RFFL: variants seen among roughly 807,000 people sequenced by gnomAD.
RFFL encodes E3 ubiquitin-protein ligase rififylin.
RFFL carries 16 observed loss-of-function variants against 40.4 expected under a neutral mutation model. The observed-to-expected ratio is 0.40, with a 90% CI of 0.27 to 0.60. The LOEUF (loss-of-function observed/expected upper bound fraction) is 0.60, where lower values mean the gene tolerates loss of function less well. RFFL is among the 20% of genes least tolerant of loss of function. The pLI, the probability that RFFL is intolerant of heterozygous loss-of-function variation, is 0.47. For missense variants in RFFL, 367 were observed against 451.7 expected (o/e 0.81, Z 1.70); for synonymous variants, 154 against 167.9 (o/e 0.92, Z 0.64).
At position 35,010,477 on chromosome 17, in the gene RFFL, G is replaced by T. The variant is rs1348519909; in HGVS notation, c.*1491C>A. 6.6e-6 allele frequency: 1 copy of T among 152,270 alleles called. No homozygotes were observed. The highest frequency in any genetic ancestry group is 1.5e-5 in the Non-Finnish European group (1 of 68,146). 9.4% of individuals were successfully genotyped at this position (152,270 alleles called of 1,614,324 possible). ...GCCTAGAAAATGGTTTCTCCTGCTG[G>T]GTGTGGTGGCTCACGCCTGTAATCC... On this transcript the variant is annotated 3_prime_UTR_variant, in exon 7 of 7. Coordinates refer to ENST00000394597, the MANE Select transcript of RFFL (RefSeq NM_001017368.2).
intron 1 of RFFL, among the ~76,000 whole-genome samples, chr17:35,086,078 G>C (rs920523209): frequency 6.6e-6 from 1 of 152,164 alleles, no homozygotes; most frequent in Non-Finnish European, 1.5e-5. Context: ...ATCCTACTAA[G>C]AGCCAAATTA....
At chr17:35,041,904 A>G (rs1043470854) in intron 1 of RFFL, among the ~76,000 whole-genome samples, 4 of 152,072 alleles carry the variant, frequency 2.6e-5, no homozygotes, top group Admixed American at 2.6e-4. Flanking sequence ...AGTCCCAGCT[A>G]CTCAGGAGGC....
At chr17:35,031,116 C>T (rs1759390691) in intron 1 of RFFL, among the ~76,000 whole-genome samples, 1 of 151,906 alleles carries the variant, frequency 6.6e-6, no homozygotes, top group Non-Finnish European at 1.5e-5. Context: ...AATTCACTAA[C>T]TTTTTTTTGG....
chr17:35,045,484 T>G (rs942212697), intron 1 of RFFL, among the ~76,000 whole-genome samples: 3 of 152,032 alleles, frequency 2.0e-5, no homozygotes, highest in African/African-American at 7.2e-5. Context: ...TTTGCCCGCC[T>G]CAGCCTCCCA....
intron 1 of RFFL, among the ~76,000 whole-genome samples, chr17:35,034,172 AATAATG>A (rs768283611): frequency 1.3e-5 from 2 of 151,362 alleles, no homozygotes; most frequent in Non-Finnish European, 2.9e-5. Context: ...TAATAATAAT[AATAATG>A]ATAATAATTA....
chr17:35,025,911 T>C (rs1449746099), intron 2 of RFFL, among the ~76,000 whole-genome samples: 2 of 152,344 alleles, frequency 1.3e-5, no homozygotes, highest in East Asian at 3.9e-4. Flanking sequence ...ATCCTTAACG[T>C]TGCTTTTGAT....
chr17:35,062,150 A>C (rs1416506276), intron 1 of RFFL, among the ~76,000 whole-genome samples: 2 of 151,422 alleles, frequency 1.3e-5, no homozygotes, highest in African/African-American at 2.4e-5. Context: ...CACACCTGTA[A>C]ACCCAGCACT....
At chr17:35,041,426 T>C (rs1308899474) in intron 1 of RFFL, among the ~76,000 whole-genome samples, 1 of 151,884 alleles carries the variant, frequency 6.6e-6, no homozygotes, top group East Asian at 1.9e-4. Flanking sequence ...TAAAAACTCT[T>C]CAAAAAAAAG....
chr17:35,037,649 A>T (rs1436064877), intron 1 of RFFL, among the ~76,000 whole-genome samples: 3 of 152,192 alleles, frequency 2.0e-5, no homozygotes, highest in Non-Finnish European at 4.4e-5. Context: ...TGAGAAAAAA[A>T]GGTTCAGAGA....
At position 35,052,050 on chromosome 17, in the gene RFFL, G is replaced by C. The variant is rs1161617847; in HGVS notation, c.-9+11526C>G. On this transcript the variant is annotated intron_variant, in intron 1 of 6. Transcript: ENST00000394597. The stretch of plus-strand genomic sequence containing the variant: ...TGTTTTCTCATCTGGAAAACAGGAA[G>C]GTTGAACTACATTCATCTCTAATGT... Among the ~76,000 whole-genome samples the C allele has an allele frequency of 3.9e-5, 6 of 152,266 alleles. No homozygotes were observed. In the East Asian group the frequency reaches 1.2e-3, roughly 29 times the overall value.
chr17:35,045,380 G>T lies in RFFL; in HGVS notation c.-9+18196C>A, dbSNP rs528408606. ...CCTGAGTAGCTGGGATTACAGGCAC[G>T]TGCCACCATGCCTGGCTAATTTTTT... On this transcript the variant is annotated intron_variant, in intron 1 of 6. Coordinates refer to ENST00000394597, the MANE Select transcript of RFFL (RefSeq NM_001017368.2). Among the ~76,000 whole-genome samples the T allele has an allele frequency of 7.9e-5, 12 of 151,816 alleles. 1 individual carries two copies. The highest frequency in any genetic ancestry group is 2.7e-4 in the African/African-American group (11 of 41,390).
intron 5 of RFFL, among the ~76,000 whole-genome samples, 185 bp from the exon 6 acceptor site, chr17:35,014,948 C>T (rs2090964672): frequency 1.3e-5 from 2 of 152,290 alleles, no homozygotes; most frequent in South Asian, 2.1e-4. Context: ...AAAGCTCCTA[C>T]TCGTGCATCT....
intron 1 of RFFL, among the ~76,000 whole-genome samples, chr17:35,087,809 G>A (rs1199611630): frequency 6.6e-6 from 1 of 152,102 alleles, no homozygotes; most frequent in African/African-American, 2.4e-5. Flanking sequence ...ATAAAAGTTC[G>A]GAAACCTTTG....
chr17:35,079,107 C>T (rs909144625), intron 1 of RFFL, among the ~76,000 whole-genome samples: 4 of 152,126 alleles, frequency 2.6e-5, no homozygotes, highest in Admixed American at 6.6e-5. Flanking sequence ...TATGGTATAT[C>T]GATCCCTCCC....
At position 35,006,105 on chromosome 17, in the gene RFFL, G is replaced by A. The variant is rs1454523166; in HGVS notation, c.*5863C>T. 3 of 171,664 alleles carry A rather than the reference G, an allele frequency of 1.7e-5. No individual in the cohort carries two copies. Among genetic ancestry groups the A allele is most frequent in the Non-Finnish European group, 3.8e-5 (3 of 79,650 alleles). The allele number at this position is 171,664 out of a possible 1,614,324, so 10.6% of individuals were successfully genotyped here. ...CCATACAACCTGCTTACAAAGAACA[G>A]CTCCTGTGCTACCTGAGGCTGATTT... On this transcript the variant is annotated 3_prime_UTR_variant, in exon 7 of 7. Transcript: ENST00000394597.
rs781279611 is a variant in RFFL, at chr17:35,012,107, A to C, written c.953T>G (p.Ile318Ser). The change falls in exon 7 of 7, where the codon ATC becomes AGC. Residue 318 changes from isoleucine to serine, a missense_variant. By Grantham distance (142) the Ile-to-Ser change is moderately radical. Coordinates refer to ENST00000394597, the MANE Select transcript of RFFL (RefSeq NM_001017368.2). The stretch of plus-strand genomic sequence containing the variant: ...ACAGTCAATGGGTGAGTCCATGCAG[A>C]TCTTACACAGGTTCTCCTCCAAGCC... ...PSGLEENLCKICMDSPIDCVL... is the reference protein window; with the variant it reads ...PSGLEENLCKSCMDSPIDCVL... The C allele has an allele frequency of 8.7e-6, 14 of 1,614,058 alleles. No individual in the cohort carries two copies. The highest frequency in any genetic ancestry group is 1.2e-5 in the Non-Finnish European group (14 of 1,180,046).
intron 1 of RFFL, among the ~76,000 whole-genome samples, chr17:35,030,733 C>A (rs1189414594): frequency 6.6e-6 from 1 of 151,974 alleles, no homozygotes; most frequent in Non-Finnish European, 1.5e-5. Flanking sequence ...CCATGCCCAG[C>A]CAAATTTTGT....
intron 1 of RFFL, among the ~76,000 whole-genome samples, chr17:35,046,808 T>C (rs2091202615): frequency 6.6e-6 from 1 of 152,136 alleles, no homozygotes; most frequent in Admixed American, 6.5e-5. Context: ...ACCCCTGGGG[T>C]CTGACCAATT....
At chr17:35,068,053 A>G (rs1261016213), upstream of RFFL, among the ~76,000 whole-genome samples, 1 of 152,204 alleles carries the variant, frequency 6.6e-6, no homozygotes, top group Non-Finnish European at 1.5e-5. Context: ...TGTTATACTG[A>G]GACATTTTCA....
Sources: allele counts gnomAD v4.1 joint callset (sites outside exome capture counted in the v4.1 genomes callset), GRCh38; gene constraint gnomAD v4.1.1; transcripts MANE v1.5; gene names NCBI Gene and HGNC (gene_info 2026-07-23, HGNC 2026-07-21).